Variants in KDM5B observed in about 807,000 individuals in gnomAD.
KDM5B encodes lysine demethylase 5B, also known as lysine-specific demethylase 5B.
Under a neutral mutation model 193.4 loss-of-function variants are expected in KDM5B, and 144 were observed. The observed-to-expected ratio is 0.74, with a 90% CI of 0.65 to 0.86. The LOEUF (loss-of-function observed/expected upper bound fraction) is 0.86, where lower values mean the gene tolerates loss of function less well. KDM5B is among the 40% of genes least tolerant of loss of function. The pLI is 0.00. For synonymous variants in KDM5B, 668 were observed against 682.6 expected (o/e 0.98, Z 0.33); for missense variants, 1,833 against 1,886.9 (o/e 0.97, Z 0.53).
chr1:202,803,801 C>G (rs1367119781), intron 1 of KDM5B, among the ~76,000 whole-genome samples: 1 of 150,186 alleles, frequency 6.7e-6, no homozygotes, highest in African/African-American at 2.5e-5. Flanking sequence ...CCAGCCTGGG[C>G]AACAACAGCA....
intron 1 of KDM5B, among the ~76,000 whole-genome samples, chr1:202,790,306 A>T (rs1238118105): frequency 1.3e-5 from 2 of 152,134 alleles, no homozygotes; most frequent in Non-Finnish European, 2.9e-5. Flanking sequence ...GGCCAAGGGC[A>T]GTGGCTCACG....
chr1:202,797,667 A>T (rs1477115940), intron 1 of KDM5B, among the ~76,000 whole-genome samples: 1 of 152,178 alleles, frequency 6.6e-6, no homozygotes, highest in Non-Finnish European at 1.5e-5. Flanking sequence ...AGATTATTTA[A>T]ATTATGTTAG....
chr1:202,773,420 TACAC>T, intron 3 of KDM5B, 132 bp from the exon 4 acceptor site: 1 of 648,538 alleles, frequency 1.5e-6, no homozygotes, highest in East Asian at 2.7e-5. Context: ...CATATATATA[TACAC>T]ACACACACAT....
At chr1:202,800,412 C>G (rs545184908) in intron 1 of KDM5B, among the ~76,000 whole-genome samples, 1 of 152,254 alleles carries the variant, frequency 6.6e-6, no homozygotes, top group South Asian at 2.1e-4. Context: ...GTGATCAGGG[C>G]TCACCGCAAC....
intron 1 of KDM5B, among the ~76,000 whole-genome samples, chr1:202,786,305 C>G (rs1657411223): frequency 6.6e-6 from 1 of 151,878 alleles, no homozygotes; most frequent in Non-Finnish European, 1.5e-5. Flanking sequence ...CCACCACACC[C>G]AATCCAACCT....
In KDM5B at chr1:202,741,724, T is replaced by TA. The variant is rs749972784; in HGVS notation, c.2590-3dup. Reference sequence around the variant, plus strand: ...ATCTTCTACACGATTCAAGAGATCCTAAAAAAAAATACACAGGTTGTTGCA... The same window carrying TA: ...ATCTTCTACACGATTCAAGAGATCCTAAAAAAAAAATACACAGGTTGTTGCA... On this transcript the variant is annotated splice_polypyrimidine_tract_variant and splice_region_variant and intron_variant, in intron 18 of 26. Coordinates refer to ENST00000367265, the MANE Select transcript of KDM5B (RefSeq NM_006618.5). 3.7e-4 allele frequency: 562 copies of TA among 1,502,108 alleles called. No individual in the cohort carries two copies. Among genetic ancestry groups the TA allele is most frequent in the Admixed American group, 8.0e-4 (43 of 53,758 alleles). The allele number at this position is 1,502,108 out of a possible 1,614,324, so 93.0% of individuals were successfully genotyped here. A position where few individuals can be genotyped will look rare whatever the true frequency, so the allele number is the denominator to read the frequency against.
At chr1:202,781,433 T>G (rs1657193938) in intron 1 of KDM5B, among the ~76,000 whole-genome samples, 1 of 152,208 alleles carries the variant, frequency 6.6e-6, no homozygotes, top group East Asian at 1.9e-4. Context: ...CCTTCAAATG[T>G]TTAACATAGT....
rs373135980 is a variant in KDM5B at position 202,730,918 on chromosome 1, G to A, written c.4167C>T (p.Ser1389=). The A allele has an allele frequency of 1.2e-6, 2 of 1,603,786 alleles. No homozygotes were observed. Among genetic ancestry groups the A allele is most frequent in the East Asian group, 2.2e-5 (1 of 44,622 alleles). ...QTDRSSPVRP[S]SEKNDCCRGK... is the part of the protein sequence containing the mutation. Reference sequence around the variant, plus strand: ...CCTCTCAGACACTCACCTTCTCACTGCTGGGTCTCACTGGTGAGCTTCGGT... The same window carrying A: ...CCTCTCAGACACTCACCTTCTCACTACTGGGTCTCACTGGTGAGCTTCGGT... The change falls in exon 25 of 27, where the codon AGC becomes AGT. Residue 1389 remains serine, a synonymous_variant. Transcript: ENST00000367265.
chr1:202,755,413 C>CTG lies in KDM5B; in HGVS notation c.1394_1395dup (p.Val466GlnfsTer2). The CTG allele has an allele frequency of 6.2e-7, 1 of 1,613,860 alleles. No individual in the cohort carries two copies. The highest frequency in any genetic ancestry group is 8.5e-7 in the Non-Finnish European group (1 of 1,179,816). On this transcript the variant is annotated frameshift_variant, in exon 11 of 27. Transcript: ENST00000367265. LOFTEE classifies it high-confidence loss of function. ...TGTGCAAGGACAGACTGCTCCATCA[C>CTG]TGGCATGTTGTTCAAATTCCAGCCA...
chr1:202,796,135 G>A, intron 1 of KDM5B: 1 of 205,674 alleles, frequency 4.9e-6, no homozygotes, highest in Non-Finnish European at 1.0e-5. Context: ...GGACATGGTG[G>A]AAGGTCCATT....
chr1:202,730,424 G>A (rs1572702238), intron 25 of KDM5B, among the ~76,000 whole-genome samples: 1 of 152,218 alleles, frequency 6.6e-6, no homozygotes, highest in Admixed American at 6.5e-5. Flanking sequence ...GGCTCCTGAG[G>A]AACCACACTA....
chr1:202,749,117 A>G lies in KDM5B; in HGVS notation c.1844T>C (p.Val615Ala). ...VDWLPLGRQC[V>A]EHYRLLHRYC... ...TCGATGAAGCAAGCGATAATGCTCC[A>G]CACACTGTCGGCCTAATGGCAGCTG... is the stretch of plus-strand genomic sequence containing the variant. The change falls in exon 14 of 27, where the codon GTG (valine) becomes GCG (alanine). Residue 615 changes from valine (V) to alanine (A), a missense_variant. Physicochemically the swap from Val to Ala is moderately conservative, Grantham distance 64. Transcript: ENST00000367265. The G allele has an allele frequency of 6.2e-7, 1 of 1,611,000 alleles. No homozygotes were observed. Among genetic ancestry groups the G allele is most frequent in the Non-Finnish European group, 8.5e-7 (1 of 1,179,154 alleles).
intron 2 of KDM5B, 34 bp from the exon 3 acceptor site, chr1:202,774,769 T>TA (rs1237156665): frequency 1.3e-6 from 2 of 1,598,808 alleles, no homozygotes; most frequent in Non-Finnish European, 1.7e-6. Flanking sequence ...TCATCTCATT[T>TA]AGCTTATTTT....
Position 202,755,333 on chromosome 1 carries a change from G to C in KDM5B, c.1476C>G (p.Cys492Trp). The C allele has an allele frequency of 6.2e-7, 1 of 1,614,004 alleles. No individual in the cohort carries two copies. The highest frequency in any genetic ancestry group is 8.5e-7 in the Non-Finnish European group (1 of 1,179,948). Residue 492 changes from cysteine (C) to tryptophan (W), a missense_variant, in exon 11 of 27, where the codon TGC becomes TGG. Cys to Trp is a radical substitution (Grantham distance 215, BLOSUM62 -2). Around this residue, in one of 3 missense-constraint regions of KDM5B, gnomAD observed 1,379 missense variants for 1,349.6 expected, o/e 1.02. Coordinates refer to ENST00000367265, the MANE Select transcript of KDM5B (RefSeq NM_006618.5). ...CAATGTGCCAACAGAATGAAGAAAA[G>C]CACATTCCCACATACAACCAAGGAA... ...MKLPWLYVGM[C>W]FSSFCWHIED...
intron 14 of KDM5B, among the ~76,000 whole-genome samples, chr1:202,747,834 A>G (rs1158991777): frequency 6.6e-6 from 1 of 152,144 alleles, no homozygotes; most frequent in African/African-American, 2.4e-5. Context: ...TAAGATATCA[A>G]TTCTCCCCCA....
At chr1:202,792,941 G>A (rs1243834631) in intron 1 of KDM5B, among the ~76,000 whole-genome samples, 1 of 150,442 alleles carries the variant, frequency 6.6e-6, no homozygotes, top group East Asian at 2.0e-4. Context: ...AGGTTGCAGT[G>A]AGCCAAGACC....
At chr1:202,755,974 C>G (rs1243655434) in intron 10 of KDM5B, among the ~76,000 whole-genome samples, 6 of 129,962 alleles carry the variant, frequency 4.6e-5, no homozygotes, top group African/African-American at 1.7e-4. Flanking sequence ...TCAAAGAAAA[C>G]TACCAAAAAA....
At chr1:202,776,965 A>C in intron 2 of KDM5B, 52 bp downstream of exon 2, 4 of 1,143,218 alleles carry the variant, frequency 3.5e-6, no homozygotes, top group Non-Finnish European at 3.9e-6. Flanking sequence ...TAATAATTTC[A>C]AAGACGGTCC....
chr1:202,753,664 G>GTTTTT lies in KDM5B; in HGVS notation c.1539-602_1539-598dup, dbSNP rs771281999. On this transcript the variant is annotated intron_variant, in intron 11 of 26. Transcript: ENST00000367265. The stretch of plus-strand genomic sequence containing the variant: ...CTAGAATTTCTCTTTTGTTGTTGTT[G>GTTTTT]TTTTTTTTTTGTTTTTTTTTTTTGA... 1.0e-3 allele frequency among the ~76,000 whole-genome samples: 106 copies of GTTTTT among 105,774 alleles called. 2 individuals are homozygous for GTTTTT. The highest frequency in any genetic ancestry group is 1.4e-3 in the Non-Finnish European group (66 of 48,706). The allele number at this position is 105,774 out of a possible 152,430, so 69.4% of individuals were successfully genotyped here. A position where few individuals can be genotyped will look rare whatever the true frequency, so the allele number is the denominator to read the frequency against.
Sources: allele counts gnomAD v4.1 joint callset (sites outside exome capture counted in the v4.1 genomes callset), GRCh38; gene constraint gnomAD v4.1.1; regional missense constraint gnomAD v4.1.1; transcripts MANE v1.5; gene names NCBI Gene and HGNC (gene_info 2026-07-23, HGNC 2026-07-21).